CDH13: variants seen among roughly 807,000 people sequenced by gnomAD.
CDH13 encodes cadherin-13.
A neutral mutation model predicts 63.8 loss-of-function variants in CDH13; 24 were observed. That is an observed-to-expected ratio of 0.38 (90% CI 0.27 to 0.53). The LOEUF (loss-of-function observed/expected upper bound fraction) is 0.53. Among genes scored for constraint, CDH13 ranks in the 20% least tolerant of loss-of-function variants. CDH13 has a pLI of 0.85. For synonymous variants in CDH13, 503 were observed against 355.3 expected, an observed-to-expected ratio of 1.42 and a Z score of -4.67; for missense variants, 1,049 against 903.1, an observed-to-expected ratio of 1.16 and a Z score of -2.07.
chr16:83,121,485 A>T (rs2035572757), intron 3 of CDH13, among the ~76,000 whole-genome samples: 1 of 152,230 alleles, frequency 6.6e-6, no homozygotes, highest in African/African-American at 2.4e-5. Context: ...ATTGGCCAGC[A>T]TACGCTTGCT....
At chr16:82,750,718 A>T (rs2034378441) in intron 1 of CDH13, among the ~76,000 whole-genome samples, 3 of 152,208 alleles carry the variant, frequency 2.0e-5, no homozygotes, top group African/African-American at 7.2e-5. Context: ...CAGTAAGGAG[A>T]AATTCTCTAA....
At chr16:83,143,936 A>T (rs2036639739) in intron 4 of CDH13, among the ~76,000 whole-genome samples, 1 of 152,112 alleles carries the variant, frequency 6.6e-6, no homozygotes, top group Non-Finnish European at 1.5e-5. Context: ...TAGAATCAAC[A>T]TAGTGAGACG....
intron 3 of CDH13, among the ~76,000 whole-genome samples, chr16:83,056,768 T>C (rs1236727061): frequency 6.6e-6 from 1 of 152,014 alleles, no homozygotes; most frequent in Non-Finnish European, 1.5e-5. Context: ...GGGGGTGGGT[T>C]TTTCCCATGC....
intron 1 of CDH13, among the ~76,000 whole-genome samples, chr16:82,833,276 T>G (rs1395895927): frequency 2.0e-5 from 3 of 152,250 alleles, no homozygotes; most frequent in Admixed American, 6.5e-5. Flanking sequence ...TTAATGTGCT[T>G]CTTCTTTCAT....
At chr16:83,255,914 T>G (rs8053119) in intron 5 of CDH13, among the ~76,000 whole-genome samples, 3 of 152,024 alleles carry the variant, frequency 2.0e-5, no homozygotes, top group Admixed American at 2.0e-4. Flanking sequence ...GGCACATAGT[T>G]GGCATAGAAA....
At chr16:83,496,772 G>A (rs895627296) in intron 7 of CDH13, among the ~76,000 whole-genome samples, 20 of 152,222 alleles carry the variant, frequency 1.3e-4, no homozygotes, top group Admixed American at 2.0e-4. Flanking sequence ...CTGACAAAGG[G>A]CTAATATCCA....
chr16:83,567,595 T>C (rs988517536), intron 7 of CDH13, among the ~76,000 whole-genome samples: 2 of 152,174 alleles, frequency 1.3e-5, no homozygotes, highest in African/African-American at 2.4e-5. Context: ...CTGTTGTTTT[T>C]TGTTTTTGTT....
chr16:83,125,577 C>A, intron 4 of CDH13, 76 bp downstream of exon 4: 1 of 755,274 alleles, frequency 1.3e-6, no homozygotes, highest in Non-Finnish European at 2.3e-6. Context: ...GTATGACTGT[C>A]TTGGTGACCA....
At chr16:83,150,465 C>T (rs766460585) in intron 4 of CDH13, among the ~76,000 whole-genome samples, 2 of 152,042 alleles carry the variant, frequency 1.3e-5, no homozygotes, top group Non-Finnish European at 2.9e-5. Context: ...CCCCATAAGA[C>T]CCTTCACTTC....
At chr16:83,142,154 GTTTT>G (rs1010118688) in intron 4 of CDH13, among the ~76,000 whole-genome samples, 1 of 113,624 alleles carries the variant, frequency 8.8e-6, no homozygotes, top group African/African-American at 3.3e-5. Context: ...TTGTTTGTTT[GTTTT>G]TGTTTTTTTT....
In CDH13 at chr16:83,745,924, C is replaced by G. The variant is rs566575722; in HGVS notation, c.1539-2184C>G. On this transcript the variant is annotated intron_variant, in intron 10 of 13. Transcript: ENST00000567109. ...TGAAACATACCTGCTGACCACCCAC[C>G]CTGAGTCACTAAGTTAGCTGGGAAG... is the stretch of plus-strand genomic sequence containing the variant. Among the ~76,000 whole-genome samples the G allele has an allele frequency of 3.1e-3, 479 of 152,216 alleles. 1 individual carries two copies. The highest frequency in any genetic ancestry group is 4.7e-3 in the Non-Finnish European group (321 of 68,024).
intron 3 of CDH13, among the ~76,000 whole-genome samples, chr16:83,054,477 A>G (rs1339132573): frequency 6.6e-6 from 1 of 152,212 alleles, no homozygotes; most frequent in Non-Finnish European, 1.5e-5. Flanking sequence ...GATAGTATGT[A>G]CAGTGTGGAT....
chr16:83,561,426 CAAA>C (rs5818456), intron 7 of CDH13, among the ~76,000 whole-genome samples: 148 of 114,106 alleles, frequency 1.3e-3, no homozygotes, highest in South Asian at 6.0e-3. Context: ...AACACCATCT[CAAA>C]AAAAAAAAAA....
chr16:82,964,914 G>T (rs566095350), intron 2 of CDH13, among the ~76,000 whole-genome samples: 35 of 152,236 alleles, frequency 2.3e-4, no homozygotes, highest in African/African-American at 7.9e-4. Context: ...ATAGGGGAAT[G>T]GTTGGCAGGG....
intron 8 of CDH13, among the ~76,000 whole-genome samples, chr16:83,632,923 C>G (rs1286086808): frequency 6.6e-6 from 1 of 151,448 alleles, no homozygotes; most frequent in Non-Finnish European, 1.5e-5. Context: ...GAGAGTTTCT[C>G]CCCCTTTTAG....
rs567994302 is a variant in CDH13 at position 82,717,116 on chromosome 16, G to A, written c.45+89979G>A. Reference sequence around the variant, plus strand: ...CCCAGGTGCACTTCATAACCACACTGCCATCTTCTGCCTTTCATTCAACAG... The same window carrying A: ...CCCAGGTGCACTTCATAACCACACTACCATCTTCTGCCTTTCATTCAACAG... On this transcript the variant is annotated intron_variant, in intron 1 of 13. Coordinates refer to ENST00000567109, the MANE Select transcript of CDH13 (RefSeq NM_001257.5). Among the ~76,000 whole-genome samples the A allele has an allele frequency of 1.4e-4, 22 of 152,144 alleles. No individual in the cohort carries two copies. The East Asian group carries it at 3.9e-3, about 27-fold the overall frequency.
At chr16:82,907,732 G>A (rs2041695834) in intron 2 of CDH13, among the ~76,000 whole-genome samples, 2 of 152,164 alleles carry the variant, frequency 1.3e-5, no homozygotes, top group Non-Finnish European at 2.9e-5. Flanking sequence ...TGAGGAAGGA[G>A]TCTCTCTTGC....
intron 6 of CDH13, among the ~76,000 whole-genome samples, chr16:83,376,576 G>T (rs1025098500): frequency 6.6e-6 from 1 of 152,172 alleles, no homozygotes; most frequent in South Asian, 2.1e-4. Flanking sequence ...TGGAGAATGG[G>T]TAGGAGAGAG....
At chr16:83,737,431 A>T (rs1443848245) in intron 10 of CDH13, among the ~76,000 whole-genome samples, 1 of 152,254 alleles carries the variant, frequency 6.6e-6, no homozygotes, top group Non-Finnish European at 1.5e-5. Context: ...GTGTGATTTT[A>T]AACCTTTCTC....
Sources: gnomAD v4.1 joint callset for allele counts (sites outside exome capture counted in the v4.1 genomes callset) on GRCh38, gnomAD v4.1.1 for gene constraint, MANE v1.5 for transcripts, NCBI Gene and HGNC (gene_info 2026-07-23, HGNC 2026-07-21) for gene names.